PCTP: variants seen among roughly 807,000 people sequenced by gnomAD.
PCTP encodes START domain-containing protein 2.
In PCTP, 27 loss-of-function variants were observed where a neutral mutation model predicts 31.0. The observed-to-expected ratio is 0.87, with a 90% CI of 0.64 to 1.20. The LOEUF (loss-of-function observed/expected upper bound fraction) is 1.20. Ranked by LOEUF, PCTP falls within the 50% of genes most tolerant of loss-of-function variation. The pLI, the probability that PCTP is intolerant of heterozygous loss-of-function variation, is 0.00. For missense variants in PCTP, 287 were observed against 268.2 expected (o/e 1.07, Z -0.49); for synonymous variants, 108 against 101.2 (o/e 1.07, Z -0.40).
At chr17:55,838,754 G>A (rs948093924) in intron 5 of PCTP, among the ~76,000 whole-genome samples, 2 of 152,024 alleles carry the variant, frequency 1.3e-5, no homozygotes, top group African/African-American at 2.4e-5. Flanking sequence ...AAGACAACTC[G>A]GATTTATTTT....
At chr17:55,797,473 A>T (rs1321981839) in intron 3 of PCTP, among the ~76,000 whole-genome samples, 1 of 151,972 alleles carries the variant, frequency 6.6e-6, no homozygotes, top group Non-Finnish European at 1.5e-5. Flanking sequence ...TGTCTGGTAA[A>T]TACCACAGGA....
intron 5 of PCTP, among the ~76,000 whole-genome samples, chr17:55,838,986 T>C (rs1905867018): frequency 6.6e-6 from 1 of 152,178 alleles, no homozygotes; most frequent in African/African-American, 2.4e-5. Flanking sequence ...AAGCTGAGGC[T>C]CATGGTTAAC....
chr17:55,763,378 A>C (rs1439049111), intron 1 of PCTP, among the ~76,000 whole-genome samples: 1 of 152,202 alleles, frequency 6.6e-6, no homozygotes, highest in Non-Finnish European at 1.5e-5. Flanking sequence ...GTTTGTAAAA[A>C]GTATAAAGAG....
In PCTP at chr17:55,767,424, C is replaced by T. The variant is rs764946176; in HGVS notation, c.231C>T (p.Tyr77=). Residue 77 remains tyrosine (Y), a synonymous_variant, in exon 2 of 6, where the codon TAC becomes TAT. Transcript: ENST00000268896. ...CAGACATCTATATGGACTCAGATTA[C>T]AGAAAACAATGGGACCAGTATGTTA... ...LLADIYMDSD[Y]RKQWDQYVKE... 26 of 1,610,840 alleles carry T rather than the reference C, an allele frequency of 1.6e-5. No individual in the cohort carries two copies. The highest frequency in any genetic ancestry group is 2.2e-5 in the Non-Finnish European group (26 of 1,177,334).
At chr17:55,845,010 C>T (rs2145098516), downstream of PCTP, among the ~76,000 whole-genome samples, 1 of 144,168 alleles carries the variant, frequency 6.9e-6, no homozygotes, top group South Asian at 2.3e-4. Flanking sequence ...TCCCTTGAAC[C>T]CGGGAGGCGG....
At chr17:55,769,136 G>T (rs942865591) in intron 2 of PCTP, 1 of 152,202 alleles carries the variant, frequency 6.6e-6, no homozygotes, top group African/African-American at 2.4e-5. Context: ...TCATGGCCAA[G>T]ATGTCTGCCA....
chr17:55,766,669 C>A (rs1252266830), intron 1 of PCTP, among the ~76,000 whole-genome samples: 3 of 152,044 alleles, frequency 2.0e-5, no homozygotes, highest in Non-Finnish European at 2.9e-5. Context: ...CATTGTTGGA[C>A]ATTTGGGTTG....
chr17:55,755,664 T>C (rs1909975327), intron 1 of PCTP, among the ~76,000 whole-genome samples: 1 of 152,216 alleles, frequency 6.6e-6, no homozygotes, highest in African/African-American at 2.4e-5. Flanking sequence ...TTCTAAGCCA[T>C]GCTGTCCAAC....
chr17:55,776,939 T>C lies in PCTP; in HGVS notation c.*839T>C. On this transcript the variant is annotated 3_prime_UTR_variant, in exon 6 of 6. Transcript: ENST00000268896. ...GCAGCTAGCAAAAGCAAAGATGCTT[T>C]GTGCATAGCCTTGTGAAAAAGTATC... The C allele has an allele frequency of 3.0e-6, 3 of 987,104 alleles. No homozygotes were observed. The highest frequency in any genetic ancestry group is 3.6e-6 in the Non-Finnish European group (3 of 831,136). 61.1% of individuals were successfully genotyped at this position (987,104 alleles called of 1,614,324 possible). A position where few individuals can be genotyped will look rare whatever the true frequency, so the allele number is the denominator to read the frequency against.
intron 1 of PCTP, among the ~76,000 whole-genome samples, chr17:55,753,856 C>G (rs1909847902): frequency 6.6e-6 from 1 of 152,202 alleles, no homozygotes; most frequent in Non-Finnish European, 1.5e-5. Flanking sequence ...CCAAGTCCAT[C>G]TGCCCATGAA....
intron 1 of PCTP, among the ~76,000 whole-genome samples, chr17:55,760,633 G>T (rs1910292054): frequency 6.6e-6 from 1 of 152,192 alleles, no homozygotes; most frequent in South Asian, 2.1e-4. Context: ...TACCTCATCT[G>T]TTGAAAGTGA....
intron 3 of PCTP, among the ~76,000 whole-genome samples, chr17:55,794,080 G>A (rs900025232): frequency 6.6e-6 from 1 of 152,000 alleles, no homozygotes; most frequent in South Asian, 2.1e-4. Flanking sequence ...ACAGTAACTT[G>A]TTTTAAAAAA....
At chr17:55,794,531 G>A (rs1011246834) in intron 3 of PCTP, among the ~76,000 whole-genome samples, 6 of 151,564 alleles carry the variant, frequency 4.0e-5, no homozygotes, top group African/African-American at 1.5e-4. Flanking sequence ...CCTCATTAAA[G>A]ATTTTCTGTC....
At chr17:55,778,615 C>T (rs1444991343), downstream of PCTP, among the ~76,000 whole-genome samples, 2 of 129,898 alleles carry the variant, frequency 1.5e-5, no homozygotes, top group Non-Finnish European at 3.2e-5. Flanking sequence ...TTGTGGGGTG[C>T]GGGGTGGGCG....
At chr17:55,839,907 G>C (rs967822973) in intron 5 of PCTP, among the ~76,000 whole-genome samples, 40 of 92,052 alleles carry the variant, frequency 4.3e-4, no homozygotes, top group Non-Finnish European at 6.7e-4. Context: ...GCGACAGAGC[G>C]AGACTCAGTC....
intron 2 of PCTP, 177 bp from the exon 3 acceptor site, chr17:55,770,929 C>A: frequency 6.2e-6 from 3 of 485,082 alleles, no homozygotes; most frequent in South Asian, 2.8e-5. Flanking sequence ...GATGGGGTTT[C>A]ACCATATTTC....
chr17:55,846,400 CTACATCAATAATCACACATAAAG>C (rs1404012639), downstream of PCTP, among the ~76,000 whole-genome samples: 9 of 152,092 alleles, frequency 5.9e-5, no homozygotes, highest in Non-Finnish European at 1.0e-4. Flanking sequence ...GATATCGCTG[CTACATCAATAATCACACATAAAG>C]GGGGTGAAAT....
Position 55,773,898 on chromosome 17 carries a change from A to G in PCTP, c.511+3A>G. ...TGACGGCAAGAAGGGGAGCAAAGGT[A>G]AAACCCATGGTGCCTGTCAGTGCAC... is the stretch of plus-strand genomic sequence containing the variant. On this transcript the variant is annotated splice_donor_region_variant and intron_variant, in intron 4 of 5. Coordinates refer to ENST00000268896, the MANE Select transcript of PCTP (RefSeq NM_021213.4). The G allele has an allele frequency of 6.3e-7, 1 of 1,598,280 alleles. No homozygotes were observed. Among genetic ancestry groups the G allele is most frequent in the African/African-American group, 1.3e-5 (1 of 74,778 alleles).
chr17:55,761,191 A>G (rs1051652507), intron 1 of PCTP, among the ~76,000 whole-genome samples: 1 of 152,190 alleles, frequency 6.6e-6, no homozygotes, highest in Non-Finnish European at 1.5e-5. Flanking sequence ...CAACTTCCCT[A>G]TCTACATCAC....
Sources: allele counts gnomAD v4.1 joint callset (sites outside exome capture counted in the v4.1 genomes callset), GRCh38; gene constraint gnomAD v4.1.1; transcripts MANE v1.5; gene names NCBI Gene and HGNC (gene_info 2026-07-23, HGNC 2026-07-21).